Variants in COL24A1 observed in about 807,000 individuals in gnomAD.
The protein encoded by COL24A1 is collagen alpha-1(XXIV) chain.
COL24A1 carries 224 observed loss-of-function variants against 253.9 expected under a neutral mutation model. The observed-to-expected ratio is 0.88, with a 90% CI of 0.79 to 0.99. The LOEUF (loss-of-function observed/expected upper bound fraction) is 0.99. Ranked by LOEUF, COL24A1 falls within the 50% of genes least tolerant of loss-of-function variation. The probability of loss-of-function intolerance (pLI) is 0.00; values close to 1 mark genes in which losing one functional copy is unlikely to be tolerated. For missense variants in COL24A1, 2,131 were observed against 2,068.5 expected (o/e 1.03, Z -0.59); for synonymous variants, 685 against 673.7 (o/e 1.02, Z -0.26).
At chr1:85,772,763 A>G (rs943077762) in intron 53 of COL24A1, among the ~76,000 whole-genome samples, 5 of 151,944 alleles carry the variant, frequency 3.3e-5, no homozygotes, top group African/African-American at 1.2e-4. Context: ...TAGATTCTGG[A>G]TATTAGCCCT....
At chr1:86,063,001 C>T (rs1002392956) in intron 8 of COL24A1, among the ~76,000 whole-genome samples, 1 of 152,000 alleles carries the variant, frequency 6.6e-6, no homozygotes, top group African/African-American at 2.4e-5. Context: ...TATCCATCAC[C>T]TTAGTCAGTT....
At chr1:86,038,568 T>C (rs1699209251) in intron 12 of COL24A1, among the ~76,000 whole-genome samples, 1 of 152,140 alleles carries the variant, frequency 6.6e-6, no homozygotes, top group Non-Finnish European at 1.5e-5. Context: ...TTCCCGGTAT[T>C]CATGCTGTTA....
At chr1:85,880,421 C>T (rs1380011652) in intron 32 of COL24A1, among the ~76,000 whole-genome samples, 1 of 152,088 alleles carries the variant, frequency 6.6e-6, no homozygotes, top group African/African-American at 2.4e-5. Context: ...TTTAAAAAAT[C>T]AGTTCTTGAA....
At chr1:85,757,853 A>AGGTGC (rs2101063806) in intron 55 of COL24A1, among the ~76,000 whole-genome samples, 1 of 152,280 alleles carries the variant, frequency 6.6e-6, no homozygotes, top group East Asian at 1.9e-4. Flanking sequence ...ATCTCTCATT[A>AGGTGC]AGTGCAGTGA....
chr1:85,942,429 T>C (rs901111880), intron 24 of COL24A1, among the ~76,000 whole-genome samples: 6 of 152,202 alleles, frequency 3.9e-5, no homozygotes, highest in African/African-American at 9.6e-5. Context: ...GCCTAAGTGA[T>C]TGGTCTTTCC....
At chr1:85,855,600 A>C (rs947681852) in intron 37 of COL24A1, among the ~76,000 whole-genome samples, 1 of 152,208 alleles carries the variant, frequency 6.6e-6, no homozygotes, top group African/African-American at 2.4e-5. Context: ...ATGTGCTGCT[A>C]AATTCAGTTT....
At chr1:85,843,342 A>G (rs2102268506) in intron 39 of COL24A1, among the ~76,000 whole-genome samples, 1 of 152,334 alleles carries the variant, frequency 6.6e-6, no homozygotes, top group Admixed American at 6.5e-5. Context: ...TAAAAAAGGA[A>G]TTGCACAAAA....
In COL24A1 at chr1:85,988,358, A is replaced by G. The variant is rs192040173; in HGVS notation, c.2311-704T>C. On this transcript the variant is annotated intron_variant, in intron 19 of 59. Transcript: ENST00000370571. ...TTTGGAAATTATATTAGCAGTCTAA[A>G]ATACTTGGCTCAAGAAATGAAAAAG... Among the ~76,000 whole-genome samples, 211 of 152,176 alleles carry G rather than the reference A, an allele frequency of 1.4e-3. 1 individual carries two copies. The highest frequency in any genetic ancestry group is 2.7e-4 in the Non-Finnish European group (18 of 67,904).
rs768681059 is a variant in COL24A1, at chr1:85,816,877, C to T, written c.3862G>A (p.Gly1288Arg). The change falls in exon 47 of 60, where the codon GGG (glycine) becomes AGG (arginine). Residue 1288 changes from glycine (G) to arginine (R), a missense_variant. Gly to Arg is a moderately radical substitution (Grantham distance 125). Transcript: ENST00000370571. ...PGIPGLQGLL[G>R]PKGIQGYHGA... The stretch of plus-strand genomic sequence containing the variant: ...TGGTATCCTTGTATGCCTTTTGGCC[C>T]AAGTAGGCCTTGAAGTCCCTTGATA... 1 of 1,613,670 alleles carries T rather than the reference C, an allele frequency of 6.2e-7. No individual in the cohort carries two copies. The highest frequency in any genetic ancestry group is 8.5e-7 in the Non-Finnish European group (1 of 1,179,768).
chr1:85,966,031 G>C (rs1387428694), intron 22 of COL24A1, among the ~76,000 whole-genome samples: 1 of 152,112 alleles, frequency 6.6e-6, no homozygotes, highest in African/African-American at 2.4e-5. Context: ...TTTGATTCCA[G>C]GGTAGAAGAA....
chr1:85,924,682 G>C (rs1384616435), intron 24 of COL24A1, among the ~76,000 whole-genome samples: 2 of 152,066 alleles, frequency 1.3e-5, no homozygotes, highest in South Asian at 2.1e-4. Context: ...AAAATAATAA[G>C]AGCTATTTAT....
rs976328962 is a variant in COL24A1 at position 86,088,198 on chromosome 1, A to G, written c.1707+976T>C. Among the ~76,000 whole-genome samples, 4 of 152,280 alleles carry G rather than the reference A, an allele frequency of 2.6e-5. No individual in the cohort carries two copies. The South Asian group carries it at 6.2e-4, about 24-fold the overall frequency. On this transcript the variant is annotated intron_variant, in intron 7 of 59. Coordinates refer to ENST00000370571, the MANE Select transcript of COL24A1 (RefSeq NM_152890.7). ...TGAGGTAACTGAAGCTTAGAAGTTAAGCAACCTGCCCAAAGTTGATGGAAC... is the reference window on the plus strand; with the variant it reads ...TGAGGTAACTGAAGCTTAGAAGTTAGGCAACCTGCCCAAAGTTGATGGAAC...
At position 86,046,052 on chromosome 1, in the gene COL24A1, A is replaced by T. The variant is rs184806271; in HGVS notation, c.1950+773T>A. On this transcript the variant is annotated intron_variant, in intron 12 of 59. Coordinates refer to ENST00000370571, the MANE Select transcript of COL24A1 (RefSeq NM_152890.7). ...TTTTACTCACCTATATTATGGTGACATTAACACTTACTCTATTTTCCCTTC... is the reference window on the plus strand; with the variant it reads ...TTTTACTCACCTATATTATGGTGACTTTAACACTTACTCTATTTTCCCTTC... 17 of 186,642 alleles carry T rather than the reference A, an allele frequency of 9.1e-5. No individual in the cohort carries two copies. In the East Asian group the frequency reaches 2.4e-3, roughly 26 times the overall value. 11.6% of individuals were successfully genotyped at this position (186,642 alleles called of 1,614,324 possible). A position where few individuals can be genotyped will look rare whatever the true frequency, so the allele number is the denominator to read the frequency against.
rs186980825 is a variant in COL24A1 at position 85,822,444 on chromosome 1, G to A, written c.3789+1092C>T. Among the ~76,000 whole-genome samples, 93 of 152,204 alleles carry A rather than the reference G, an allele frequency of 6.1e-4. 1 individual carries two copies. The highest frequency in any genetic ancestry group is 2.1e-3 in the African/African-American group (89 of 41,504). Reference sequence around the variant, plus strand: ...TGAAGTCAGAATGCCTGAAAAACAGGGCAGCAATGAATTGAAGGTGCAAAT... The same window carrying A: ...TGAAGTCAGAATGCCTGAAAAACAGAGCAGCAATGAATTGAAGGTGCAAAT... On this transcript the variant is annotated intron_variant, in intron 45 of 59. Coordinates refer to ENST00000370571, the MANE Select transcript of COL24A1 (RefSeq NM_152890.7).
chr1:85,741,267 G>A (rs1664610055), intron 57 of COL24A1, among the ~76,000 whole-genome samples: 1 of 152,192 alleles, frequency 6.6e-6, no homozygotes, highest in Admixed American at 6.5e-5. Flanking sequence ...CATTCATGGT[G>A]TTGTGTCAAC....
Position 85,838,765 on chromosome 1 carries a change from G to A in COL24A1, c.3628-127C>T, listed in dbSNP as rs77049451. 500 of 728,338 alleles carry A rather than the reference G, an allele frequency of 6.9e-4. 3 individuals are homozygous for A. The East Asian group carries it at 0.011, about 15-fold the overall frequency. The allele number at this position is 728,338 out of a possible 1,614,324, so 45.1% of individuals were successfully genotyped here. ...TAAAACCAAATATATGATTTGTTTA[G>A]TTCCATTAAATAATTTCAAAATATT... is the stretch of plus-strand genomic sequence containing the variant. On this transcript the variant is annotated intron_variant, in intron 42 of 59. Coordinates refer to ENST00000370571, the MANE Select transcript of COL24A1 (RefSeq NM_152890.7).
intron 2 of COL24A1, among the ~76,000 whole-genome samples, chr1:86,130,059 T>A (rs6666498): frequency 6.6e-6 from 1 of 151,850 alleles, no homozygotes; most frequent in Non-Finnish European, 1.5e-5. Flanking sequence ...TAGATAATCA[T>A]GCAGTTCACA....
chr1:85,882,751 AT>A lies in COL24A1; in HGVS notation c.2977-5577del, dbSNP rs543859862. Among the ~76,000 whole-genome samples, 193 of 152,274 alleles carry A rather than the reference AT, an allele frequency of 1.3e-3. 1 individual carries two copies. The highest frequency in any genetic ancestry group is 2.3e-3 in the Non-Finnish European group (158 of 68,024). Reference sequence around the variant, plus strand: ...TAGAGTCATCTATTTTTCCTTGAAAATTATCTCAGCATTTGCTTCATGTATT... The same window carrying A: ...TAGAGTCATCTATTTTTCCTTGAAAATATCTCAGCATTTGCTTCATGTATT... On this transcript the variant is annotated intron_variant, in intron 32 of 59. Transcript: ENST00000370571.
At chr1:86,049,322 C>T (rs1470821647) in intron 11 of COL24A1, among the ~76,000 whole-genome samples, 3 of 152,176 alleles carry the variant, frequency 2.0e-5, no homozygotes, top group African/African-American at 4.8e-5. Flanking sequence ...AACTCACTCA[C>T]TGAAAACTAT....
Sources: gnomAD v4.1 joint callset for allele counts (sites outside exome capture counted in the v4.1 genomes callset) on GRCh38, gnomAD v4.1.1 for gene constraint, MANE v1.5 for transcripts, NCBI Gene and HGNC (gene_info 2026-07-23, HGNC 2026-07-21) for gene names.